Variants in CDH8 observed in about 807,000 individuals in gnomAD.
The protein encoded by CDH8 is cadherin-8.
In CDH8, 17 loss-of-function variants were observed where a neutral mutation model predicts 68.1. The ratio of observed to expected loss-of-function variants is 0.25; its 90% CI spans 0.17 to 0.37. The LOEUF (loss-of-function observed/expected upper bound fraction) is 0.37, where lower values mean the gene tolerates loss of function less well. Among genes scored for constraint, CDH8 ranks in the 10% least tolerant of loss-of-function variants. The probability of loss-of-function intolerance (pLI) is 1.00; values close to 1 mark genes in which losing one functional copy is unlikely to be tolerated. For synonymous variants in CDH8, 372 were observed against 365.1 expected, an observed-to-expected ratio of 1.02 and a Z score of -0.21; for missense variants, 763 against 999.3, an observed-to-expected ratio of 0.76 and a Z score of 3.19.
At chr16:61,714,047 T>G (rs1179801644) in intron 9 of CDH8, 89 bp from the exon 10 acceptor site, 1 of 818,218 alleles carries the variant, frequency 1.2e-6, no homozygotes, top group Non-Finnish European at 2.1e-6. Context: ...TTTTGTGGTC[T>G]GATACTTTGG....
chr16:61,804,050 T>C lies in CDH8; in HGVS notation c.1277+13429A>G, dbSNP rs530033279. Among the ~76,000 whole-genome samples, 59 of 133,126 alleles carry C rather than the reference T, an allele frequency of 4.4e-4. 3 individuals are homozygous for C. Among genetic ancestry groups the C allele is most frequent in the African/African-American group, 1.8e-3 (57 of 31,910 alleles). The allele number at this position is 133,126 out of a possible 152,430, so 87.3% of individuals were successfully genotyped here. A position where few individuals can be genotyped will look rare whatever the true frequency, so the allele number is the denominator to read the frequency against. On this transcript the variant is annotated intron_variant, in intron 7 of 11. Transcript: ENST00000577390. ...GCACCACACCACACCTATTCCAAAATTGACCACATAGTTGGAAGTAAAGCT... is the reference window on the plus strand; with the variant it reads ...GCACCACACCACACCTATTCCAAAACTGACCACATAGTTGGAAGTAAAGCT...
chr16:61,900,615 G>A (rs1231413448), intron 3 of CDH8, among the ~76,000 whole-genome samples: 1 of 152,142 alleles, frequency 6.6e-6, no homozygotes, highest in Non-Finnish European at 1.5e-5. Flanking sequence ...CAGAAAAATT[G>A]AGAGTGGGTC....
chr16:61,895,593 A>G (rs1378726805), intron 3 of CDH8, among the ~76,000 whole-genome samples: 3 of 152,208 alleles, frequency 2.0e-5, no homozygotes, highest in Non-Finnish European at 2.9e-5. Flanking sequence ...GCACACAACA[A>G]TGCAATAATT....
chr16:62,010,171 A>G (rs1901772757), intron 2 of CDH8, among the ~76,000 whole-genome samples: 1 of 152,242 alleles, frequency 6.6e-6, no homozygotes. Flanking sequence ...AGCAAAGCAT[A>G]TAGAGGTGCA....
chr16:61,932,700 T>A lies in CDH8; in HGVS notation c.253-31227A>T, dbSNP rs150530889. ...GTGAATACGTCAGAGTTGTTTCCTG[T>A]CTTCTATCAGCTCCTAGAACTTGAT... On this transcript the variant is annotated intron_variant, in intron 2 of 11. Coordinates refer to ENST00000577390, the MANE Select transcript of CDH8 (RefSeq NM_001796.5). Among the ~76,000 whole-genome samples the A allele has an allele frequency of 4.7e-3, 714 of 152,328 alleles. 3 individuals are homozygous for A. Among genetic ancestry groups the A allele is most frequent in the Middle Eastern group, 6.8e-3 (2 of 294 alleles).
intron 7 of CDH8, among the ~76,000 whole-genome samples, chr16:61,813,735 C>A (rs1962009362): frequency 6.6e-6 from 1 of 151,980 alleles, no homozygotes; most frequent in African/African-American, 2.4e-5. Flanking sequence ...AATGTGTCTG[C>A]GTACCTAAAT....
At chr16:61,687,872 C>T (rs1390198863) in intron 10 of CDH8, among the ~76,000 whole-genome samples, 2 of 152,106 alleles carry the variant, frequency 1.3e-5, no homozygotes, top group East Asian at 1.9e-4. Flanking sequence ...CTTTTCTAAG[C>T]TTTATCTCAT....
intron 3 of CDH8, among the ~76,000 whole-genome samples, chr16:61,858,365 G>C (rs1963088434): frequency 6.6e-6 from 1 of 152,158 alleles, no homozygotes; most frequent in Admixed American, 6.6e-5. Context: ...TAGTGGGAGA[G>C]ACTATGGGAA....
intron 1 of CDH8, among the ~76,000 whole-genome samples, chr16:62,035,436 A>G (rs1203055736): frequency 6.6e-6 from 1 of 152,186 alleles, no homozygotes; most frequent in Non-Finnish European, 1.5e-5. Flanking sequence ...GCAGAGCCGC[A>G]GGGCGACTCC....
At chr16:61,952,091 G>A (rs1964907370) in intron 2 of CDH8, among the ~76,000 whole-genome samples, 1 of 152,130 alleles carries the variant, frequency 6.6e-6, no homozygotes, top group South Asian at 2.1e-4. Flanking sequence ...AGCTGATGTT[G>A]ACTAATTGTC....
intron 10 of CDH8, among the ~76,000 whole-genome samples, chr16:61,697,312 C>T (rs1434840441): frequency 6.6e-6 from 1 of 152,070 alleles, no homozygotes; most frequent in African/African-American, 2.4e-5. Context: ...CAACTGTACA[C>T]AGCAGCTTTG....
At chr16:61,675,674 C>T (rs966447978) in intron 10 of CDH8, among the ~76,000 whole-genome samples, 2 of 148,722 alleles carry the variant, frequency 1.3e-5, no homozygotes, top group Admixed American at 1.3e-4. Flanking sequence ...TTAAGAAATG[C>T]ATATTGACTG....
chr16:61,688,202 AG>A, intron 10 of CDH8, among the ~76,000 whole-genome samples: 1 of 152,138 alleles, frequency 6.6e-6, no homozygotes, highest in African/African-American at 2.4e-5. Context: ...TGCCAGTGTT[AG>A]CTCTACCCTT....
At chr16:61,997,009 GTGTGTGTGTGTGTATGTGTGTGTT>G (rs1219579200) in intron 2 of CDH8, among the ~76,000 whole-genome samples, 1 of 152,082 alleles carries the variant, frequency 6.6e-6, no homozygotes, top group African/African-American at 2.4e-5. Flanking sequence ...GTATGTGTGT[GTGTGTGTGTGTGTATGTGTGTGTT>G]TAAGTATAAT....
intron 8 of CDH8, among the ~76,000 whole-genome samples, chr16:61,772,337 T>A (rs1960797886): frequency 6.6e-6 from 1 of 152,022 alleles, no homozygotes; most frequent in Non-Finnish European, 1.5e-5. Flanking sequence ...TATGTCTTAA[T>A]AGCAATTGGG....
intron 2 of CDH8, among the ~76,000 whole-genome samples, chr16:61,907,167 C>T (rs918707343): frequency 6.6e-6 from 1 of 152,136 alleles, no homozygotes; most frequent in Non-Finnish European, 1.5e-5. Context: ...GAAAAATACT[C>T]CTTTGTGAGT....
At chr16:61,931,663 T>C (rs1057440445) in intron 2 of CDH8, among the ~76,000 whole-genome samples, 2 of 152,162 alleles carry the variant, frequency 1.3e-5, no homozygotes, top group Admixed American at 6.5e-5. Context: ...CTCAGAAAGA[T>C]TGTGAGGGAT....
In CDH8 at chr16:61,880,642, C is replaced by T. The variant is rs559186489; in HGVS notation, c.547+20537G>A. ...TATTTATTATAAAATGACTCAGATCCACACACATTTATTTCTAAGAGCAAC... is the reference window on the plus strand; with the variant it reads ...TATTTATTATAAAATGACTCAGATCTACACACATTTATTTCTAAGAGCAAC... On this transcript the variant is annotated intron_variant, in intron 3 of 11. Transcript: ENST00000577390. Among the ~76,000 whole-genome samples, 94 of 150,766 alleles carry T rather than the reference C, an allele frequency of 6.2e-4. 1 individual carries two copies. The highest frequency in any genetic ancestry group is 2.1e-3 in the African/African-American group (87 of 40,984).
At chr16:61,752,198 G>T (rs181491669) in intron 8 of CDH8, among the ~76,000 whole-genome samples, 1 of 152,254 alleles carries the variant, frequency 6.6e-6, no homozygotes, top group East Asian at 1.9e-4. Context: ...TTTCAGCAAA[G>T]ACTTGAAAAC....
Sources: gnomAD v4.1 joint callset for allele counts (sites outside exome capture counted in the v4.1 genomes callset) on GRCh38, gnomAD v4.1.1 for gene constraint, MANE v1.5 for transcripts, NCBI Gene and HGNC (gene_info 2026-07-23, HGNC 2026-07-21) for gene names.